UBA7: variants seen among roughly 807,000 people sequenced by gnomAD.
The protein encoded by UBA7 is ubiquitin like modifier activating enzyme 7, also known as ubiquitin-like modifier-activating enzyme 7.
A neutral mutation model predicts 113.0 loss-of-function variants in UBA7; 88 were observed. The ratio of observed to expected loss-of-function variants is 0.78; its 90% CI spans 0.66 to 0.93. The LOEUF is 0.93. UBA7 is among the 40% of genes least tolerant of loss of function. The pLI is 0.00. For missense variants in UBA7, 1,092 were observed against 1,266.4 expected (o/e 0.86, Z 2.09); for synonymous variants, 459 against 513.0 (o/e 0.89, Z 1.42).
chr3:49,809,071 C>G lies in UBA7; in HGVS notation c.2252G>C (p.Arg751Thr). ...LPGSQDWTAL[R>T]ELLKLLPQPD... ...CTGTGGCAGCAGCTTCAGCAGCTCCCTGAGTGCAGTCCAGTCCTGTGAGCC... is the reference window on the plus strand; with the variant it reads ...CTGTGGCAGCAGCTTCAGCAGCTCCGTGAGTGCAGTCCAGTCCTGTGAGCC... Residue 751 changes from arginine to threonine, a missense_variant, in exon 18 of 24, where the codon AGG becomes ACG. By Grantham distance (71) the Arg-to-Thr change is moderately conservative. Transcript: ENST00000333486. The G allele has an allele frequency of 6.2e-7, 1 of 1,613,786 alleles. No homozygotes were observed. The highest frequency in any genetic ancestry group is 8.5e-7 in the Non-Finnish European group (1 of 1,179,938).
At position 49,810,165 on chromosome 3, in the gene UBA7, CGAGCAGCCACATAGCGCCCTGGCAAGG is replaced by C; in HGVS notation, c.1634-9_1651del. ...CAGTGGCTTCAGATAGTGGGTGCAA[CGAGCAGCCACATAGCGCCCTGGCAAGG>C]GAGCAGTGGGTCAGAAGTGGGACTG... On this transcript the variant is annotated splice_acceptor_variant and splice_polypyrimidine_tract_variant and coding_sequence_variant and intron_variant, in exon 14 of 24. Coordinates refer to ENST00000333486, the MANE Select transcript of UBA7 (RefSeq NM_003335.3). LOFTEE classifies it high-confidence loss of function. This position sits in a 1 kb window ranked among gnomAD's most constrained non-coding sequence, Gnocchi z 5.6. 1 of 1,613,058 alleles carries C rather than the reference CGAGCAGCCACATAGCGCCCTGGCAAGG, an allele frequency of 6.2e-7. No homozygotes were observed. Among genetic ancestry groups the C allele is most frequent in the Non-Finnish European group, 8.5e-7 (1 of 1,179,940 alleles).
rs755621044 is a variant in UBA7, at chr3:49,810,187, G to A, written c.1634-4C>T. On this transcript the variant is annotated splice_region_variant and splice_polypyrimidine_tract_variant and intron_variant, in intron 13 of 23. Coordinates refer to ENST00000333486, the MANE Select transcript of UBA7 (RefSeq NM_003335.3). This position sits in a 1 kb window ranked among gnomAD's most constrained non-coding sequence, Gnocchi z 5.6. ...CAACGAGCAGCCACATAGCGCCCTG[G>A]CAAGGGAGCAGTGGGTCAGAAGTGG... 4.3e-6 allele frequency: 7 copies of A among 1,613,044 alleles called. No homozygotes were observed. In the Admixed American group the frequency reaches 8.3e-5, roughly 19 times the overall value.
At position 49,805,288 on chromosome 3, in the gene UBA7, G is replaced by C. The variant is rs1414402181; in HGVS notation, c.*20C>G. On this transcript the variant is annotated 3_prime_UTR_variant, in exon 24 of 24. Transcript: ENST00000333486. Reference sequence around the variant, plus strand: ...GGGATCCGGGGCTCCATTGAGCTAGGTGACAGGGTGGCTGCCTTGTCACAG... The same window carrying C: ...GGGATCCGGGGCTCCATTGAGCTAGCTGACAGGGTGGCTGCCTTGTCACAG... 1 of 1,610,802 alleles carries C rather than the reference G, an allele frequency of 6.2e-7. No individual in the cohort carries two copies. Among genetic ancestry groups the C allele is most frequent in the Non-Finnish European group, 8.5e-7 (1 of 1,177,646 alleles).
At position 49,806,034 on chromosome 3, in the gene UBA7, T is replaced by A. The variant is rs1302164822; in HGVS notation, c.2809-37A>T. 8 of 1,572,100 alleles carry A rather than the reference T, an allele frequency of 5.1e-6. No homozygotes were observed. The African/African-American group carries it at 1.1e-4, about 21-fold the overall frequency. ...AGGTCAGACACCAGCTGGGCCGGGC[T>A]GGGCTGAGCCTGGGGGTTGGGGTAG... On this transcript the variant is annotated intron_variant, in intron 22 of 23. Coordinates refer to ENST00000333486, the MANE Select transcript of UBA7 (RefSeq NM_003335.3).
Position 49,812,524 on chromosome 3 carries a change from G to A in UBA7, c.578C>T (p.Thr193Ile), listed in dbSNP as rs1430105852. Reference protein sequence around the residue: ...HISQGSPGILTLRKGANTHYF... With the variant: ...HISQGSPGILILRKGANTHYF... ...GTGGGTATTGGCCCCTTTCCTCAGA[G>A]TGAGAATGCCAGGGGAGCCCTGGGT... is the stretch of plus-strand genomic sequence containing the variant. Residue 193 changes from threonine to isoleucine, a missense_variant, in exon 6 of 24, where the codon ACT (threonine) becomes ATT (isoleucine). Physicochemically the swap from Thr to Ile is moderately conservative, Grantham distance 89. Around this residue, in one of 3 missense-constraint regions of UBA7, gnomAD observed 584 missense variants for 714.5 expected, o/e 0.82. Coordinates refer to ENST00000333486, the MANE Select transcript of UBA7 (RefSeq NM_003335.3). 6.2e-7 allele frequency: 1 copy of A among 1,614,192 alleles called. No homozygotes were observed.
Position 49,811,066 on chromosome 3 carries a change from A to T in UBA7, c.1148T>A (p.Leu383Gln). 2 of 1,614,100 alleles carry T rather than the reference A, an allele frequency of 1.2e-6. No homozygotes were observed. The highest frequency in any genetic ancestry group is 1.7e-6 in the Non-Finnish European group (2 of 1,180,006). The stretch of plus-strand genomic sequence containing the variant: ...GGCATCAAAGTAAAGCCACTGGTCC[A>T]GAGGCATGAACTTCCTGGAGATTGC... ...LKAISRKFMPLDQWLYFDALD... is the reference protein window; with the variant it reads ...LKAISRKFMPQDQWLYFDALD... The change falls in exon 10 of 24, where the codon CTG becomes CAG. Residue 383 changes from leucine to glutamine, a missense_variant. Transcript: ENST00000333486.
At chr3:49,811,139 C>T (rs199935042) in intron 9 of UBA7, 48 bp from the exon 10 acceptor site, 149 of 1,608,202 alleles carry the variant, frequency 9.3e-5, no homozygotes, top group Non-Finnish European at 1.2e-4. Flanking sequence ...TCCTGACCCC[C>T]CTCAGATCCT....
In UBA7 at chr3:49,812,146, GCC is replaced by G; in HGVS notation, c.753_754del (p.Ala252TyrfsTer3). The G allele has an allele frequency of 6.2e-7, 1 of 1,614,196 alleles. No homozygotes were observed. Among genetic ancestry groups the G allele is most frequent in the Non-Finnish European group, 8.5e-7 (1 of 1,180,036 alleles). ...CTTGGGTCTCTTGACTTCAGTGATA[GCC>G]CCACCACGCAAGTACCGAGAGAAAG... On this transcript the variant is annotated frameshift_variant, in exon 7 of 24. Coordinates refer to ENST00000333486, the MANE Select transcript of UBA7 (RefSeq NM_003335.3). LOFTEE classifies it high-confidence loss of function.
Position 49,810,964 on chromosome 3 carries a change from C to T in UBA7, c.1230+20G>A, listed in dbSNP as rs1049920106. 6.2e-7 allele frequency: 1 copy of T among 1,613,418 alleles called. No homozygotes were observed. The highest frequency in any genetic ancestry group is 8.5e-7 in the Non-Finnish European group (1 of 1,179,382). ...GTCCTGATTTTGGACAAGGCTTGCA[C>T]CCCTATCCCAGGCTCTCACCAGGGC... On this transcript the variant is annotated intron_variant, in intron 10 of 23. Coordinates refer to ENST00000333486, the MANE Select transcript of UBA7 (RefSeq NM_003335.3). This position sits in a 1 kb window ranked among gnomAD's most constrained non-coding sequence, Gnocchi z 5.6.
chr3:49,806,277 A>AGGGGGTG (rs1294549282), intron 21 of UBA7, 112 bp from the exon 22 acceptor site: 114 of 613,270 alleles, frequency 1.9e-4, no homozygotes, highest in Admixed American at 9.4e-4. Context: ...AACAGGAGCC[A>AGGGGGTG]GGGGGTGGGG....
Position 49,809,988 on chromosome 3 carries a change from T to C in UBA7, c.1829A>G (p.His610Arg), listed in dbSNP as rs1559434642. 2 of 1,613,742 alleles carry C rather than the reference T, an allele frequency of 1.2e-6. No individual in the cohort carries two copies. Among genetic ancestry groups the C allele is most frequent in the Non-Finnish European group, 8.5e-7 (1 of 1,179,876 alleles). Residue 610 changes from histidine to arginine, a missense_variant, in exon 14 of 24, where the codon CAC (histidine) becomes CGC (arginine). Transcript: ENST00000333486. Reference protein sequence around the residue: ...TVRYFPSTAEHTLQWARHEFE... With the variant: ...TVRYFPSTAERTLQWARHEFE... ...CAGGGTGCTTCCTACCTGCAGGGTG[T>C]GCTCGGCTGTGCTAGGGAAGTACCG...
chr3:49,810,123 G>A lies in UBA7; in HGVS notation c.1694C>T (p.Ser565Leu), dbSNP rs146190304. ...TACTGTAGCACTGCCCCAGGTGCCC[G>A]ATGTGCCTGCCTCCAGCAGTGGCTT... ...YLKPLLEAGTSGTWGSATVFM... is the reference protein window; with the variant it reads ...YLKPLLEAGTLGTWGSATVFM... Residue 565 changes from serine (S) to leucine (L), a missense_variant, in exon 14 of 24, where the codon TCG becomes TTG. Ser to Leu is a moderately radical substitution (Grantham distance 145, BLOSUM62 -2). Transcript: ENST00000333486. This position sits in a 1 kb window ranked among gnomAD's most constrained non-coding sequence, Gnocchi z 5.6. 2.7e-5 allele frequency: 43 copies of A among 1,612,600 alleles called. No individual in the cohort carries two copies. The highest frequency in any genetic ancestry group is 3.4e-5 in the Non-Finnish European group (40 of 1,179,998).
At chr3:49,812,942 G>T in intron 4 of UBA7, 120 bp downstream of exon 4, 1 of 1,267,530 alleles carries the variant, frequency 7.9e-7, no homozygotes, top group Non-Finnish European at 1.1e-6. Flanking sequence ...GAATCAGAAA[G>T]GCATGCTGGG....
At chr3:49,806,209 C>T in intron 21 of UBA7, 44 bp from the exon 22 acceptor site, 1 of 1,510,000 alleles carries the variant, frequency 6.6e-7, no homozygotes, top group African/African-American at 1.4e-5. Context: ...TTACCTCCCC[C>T]CAACCCCCAT....
rs1310345839 is a variant in UBA7, at chr3:49,809,871, C to T, written c.1848G>A (p.Arg616=). 1.2e-6 allele frequency: 2 copies of T among 1,614,086 alleles called. No homozygotes were observed. Among genetic ancestry groups the T allele is most frequent in the Non-Finnish European group, 1.7e-6 (2 of 1,180,014 alleles). ...STAEHTLQWA[R]HEFEELFRLS... is the part of the protein sequence containing the mutation. ...GTCGGAAGAGTTCTTCAAACTCATG[C>T]CGGGCCCACTGTGGAGGAGGGAGGA... The change falls in exon 15 of 24, where the codon CGG becomes CGA. Residue 616 remains arginine (R), a synonymous_variant. Coordinates refer to ENST00000333486, the MANE Select transcript of UBA7 (RefSeq NM_003335.3).
Position 49,812,014 on chromosome 3 carries a change from C to A in UBA7, c.795G>T (p.Lys265Asn), listed in dbSNP as rs2081555391. The change falls in exon 8 of 24, where the codon AAG becomes AAT. Residue 265 changes from lysine (K) to asparagine (N), a missense_variant and splice_region_variant. Lys to Asn is a moderately conservative substitution (Grantham distance 94, BLOSUM62 0). This residue lies in a region of UBA7 where 584 missense variants were observed against 714.5 expected (regional missense o/e 0.82). Coordinates refer to ENST00000333486, the MANE Select transcript of UBA7 (RefSeq NM_003335.3). Reference protein sequence around the residue: ...EVKRPKTVRHKSLDTALLQPH... With the variant: ...EVKRPKTVRHNSLDTALLQPH... ...GCTGGAGCAGGGCTGTGTCCAGGGA[C>A]TTCTGCAAGGGCACCTGGCTCAGGG... The A allele has an allele frequency of 1.1e-5, 17 of 1,614,196 alleles. No individual in the cohort carries two copies. The highest frequency in any genetic ancestry group is 2.2e-5 in the East Asian group (1 of 44,892).
chr3:49,808,092 A>G lies in UBA7; in HGVS notation c.2451T>C (p.His817=). Residue 817 remains histidine, a synonymous_variant, in exon 20 of 24, where the codon CAT becomes CAC. Transcript: ENST00000333486. ...TAGCTGCCGCTACCACAAAGTCCAC[A>G]TGGAAGTTGCTGTCATCATCCTGTA... ...MFEKDDDSNF[H]VDFVVAAASL... is the part of the protein sequence containing the mutation. 1.2e-6 allele frequency: 2 copies of G among 1,614,124 alleles called. No individual in the cohort carries two copies. The highest frequency in any genetic ancestry group is 1.1e-5 in the South Asian group (1 of 91,062).
At position 49,810,807 on chromosome 3, in the gene UBA7, A is replaced by G; in HGVS notation, c.1256T>C (p.Ile419Thr). ...CTGAAAACCAGCCCCAAACACTGCA[A>G]TTTGCCCATCATAGCGGCTGCCTCT... is the stretch of plus-strand genomic sequence containing the variant. ...ALRGSRYDGQ[I>T]AVFGAGFQEK... Residue 419 changes from isoleucine to threonine, a missense_variant, in exon 11 of 24, where the codon ATT becomes ACT. Around this residue, in one of 3 missense-constraint regions of UBA7, gnomAD observed 584 missense variants for 714.5 expected, o/e 0.82. Transcript: ENST00000333486. The surrounding 1 kb of genome is among the most constrained non-coding windows in gnomAD (Gnocchi z 5.6). The G allele has an allele frequency of 6.2e-7, 1 of 1,614,084 alleles. No homozygotes were observed. Among genetic ancestry groups the G allele is most frequent in the Non-Finnish European group, 8.5e-7 (1 of 1,180,004 alleles).
At position 49,807,135 on chromosome 3, in the gene UBA7, A is replaced by T. The variant is rs1393989664; in HGVS notation, c.2715+601T>A. Among the ~76,000 whole-genome samples, 1 of 152,186 alleles carries T rather than the reference A, an allele frequency of 6.6e-6. No homozygotes were observed. Among genetic ancestry groups the T allele is most frequent in the Non-Finnish European group, 1.5e-5 (1 of 68,026 alleles). On this transcript the variant is annotated intron_variant, in intron 21 of 23. Transcript: ENST00000333486. This position sits in a 1 kb window ranked among gnomAD's most constrained non-coding sequence, Gnocchi z 4.0. Reference sequence around the variant, plus strand: ...AACACACACATGTGTGCCCACATGCATCTCCATGCATGCCCACATTGAGGA... The same window carrying T: ...AACACACACATGTGTGCCCACATGCTTCTCCATGCATGCCCACATTGAGGA...
Sources: allele counts gnomAD v4.1 joint callset (sites outside exome capture counted in the v4.1 genomes callset), GRCh38; gene constraint gnomAD v4.1.1; regional missense constraint gnomAD v4.1.1; non-coding constraint Gnocchi (gnomAD v3.1); transcripts MANE v1.5; gene names NCBI Gene and HGNC (gene_info 2026-07-23, HGNC 2026-07-21).